Variants in RBFOX1 observed in about 807,000 individuals in gnomAD.
RBFOX1 encodes the protein RNA binding protein fox-1 homolog 1.
Under a neutral mutation model 57.7 loss-of-function variants are expected in RBFOX1, and 8 were observed. The ratio of observed to expected loss-of-function variants is 0.14; its 90% confidence interval spans 0.08 to 0.25. The LOEUF is 0.25. RBFOX1 is among the 10% of genes least tolerant of loss of function. RBFOX1 has a pLI of 1.00. For missense variants in RBFOX1, 611 were observed against 548.5 expected, an observed-to-expected ratio of 1.11 and a Z score of -1.14; for synonymous variants, 326 against 222.4, an observed-to-expected ratio of 1.47 and a Z score of -4.15.
intron 3 of RBFOX1, among the ~76,000 whole-genome samples, chr16:6,846,184 T>A (rs1374529968): frequency 2.0e-5 from 3 of 152,208 alleles, no homozygotes; most frequent in African/African-American, 7.2e-5. Context: ...CCAATAAATA[T>A]TTGTTGAAGA....
chr16:6,464,433 T>TG (rs5815314), intron 2 of RBFOX1, among the ~76,000 whole-genome samples: 86,929 of 151,970 alleles, frequency 0.57, 25,293 homozygotes, highest in Middle Eastern at 0.68. Context: ...AGTATGCTTG[T>TG]GAAAGTCTTG....
Position 5,848,482 on chromosome 16 carries a change from C to G in RBFOX1, c.319-18821C>G, listed in dbSNP as rs115854214. 3.2e-3 allele frequency among the ~76,000 whole-genome samples: 493 copies of G among 152,190 alleles called. 1 individual carries two copies. The highest frequency in any genetic ancestry group is 0.011 in the African/African-American group (472 of 41,520). ...TTCCAGGTCAGGAACTGCTAAAACT[C>G]CATGGACTCCAGGTTAAGAGACTGG... On this transcript the variant is annotated intron_variant, in intron 3 of 19. Coordinates refer to the RBFOX1 transcript ENST00000641259.
chr16:5,705,695 C>G (rs2051219212), intron 3 of RBFOX1, among the ~76,000 whole-genome samples: 1 of 152,156 alleles, frequency 6.6e-6, no homozygotes, highest in Non-Finnish European at 1.5e-5. Flanking sequence ...CTCATAGGAC[C>G]TCTCATCATC....
At chr16:6,739,462 C>T (rs564461173) in intron 3 of RBFOX1, among the ~76,000 whole-genome samples, 2 of 151,854 alleles carry the variant, frequency 1.3e-5, no homozygotes, top group Admixed American at 1.3e-4. Flanking sequence ...AAATTGAATT[C>T]ATAATTTAAC....
chr16:7,204,049 C>T (rs1220766121), intron 4 of RBFOX1, among the ~76,000 whole-genome samples: 1 of 152,250 alleles, frequency 6.6e-6, no homozygotes, highest in Non-Finnish European at 1.5e-5. Flanking sequence ...AGCCAGGGTG[C>T]CCCTGACTTC....
At chr16:5,814,455 C>T (rs1442172934) in intron 3 of RBFOX1, among the ~76,000 whole-genome samples, 1 of 152,188 alleles carries the variant, frequency 6.6e-6, no homozygotes, top group African/African-American at 2.4e-5. Flanking sequence ...TAAATATAGG[C>T]TCTGTGCTGA....
At chr16:5,773,377 T>A (rs1442712892) in intron 3 of RBFOX1, among the ~76,000 whole-genome samples, 1 of 152,160 alleles carries the variant, frequency 6.6e-6, no homozygotes, top group Non-Finnish European at 1.5e-5. Flanking sequence ...CACACACACA[T>A]CCATACACAC....
At chr16:7,439,800 A>G (rs916821022) in intron 4 of RBFOX1, among the ~76,000 whole-genome samples, 4 of 152,106 alleles carry the variant, frequency 2.6e-5, no homozygotes, top group African/African-American at 9.7e-5. Flanking sequence ...TGCTTGTCAA[A>G]TTGGGATGGG....
intron 5 of RBFOX1, among the ~76,000 whole-genome samples, chr16:7,546,381 T>TAAA (rs2084550303): frequency 6.8e-6 from 1 of 148,006 alleles, no homozygotes; most frequent in African/African-American, 2.6e-5. Context: ...AATAAAATAA[T>TAAA]AAAATAAAAT....
At chr16:5,776,397 A>C (rs546440008) in intron 3 of RBFOX1, among the ~76,000 whole-genome samples, 1 of 152,318 alleles carries the variant, frequency 6.6e-6, no homozygotes, top group African/African-American at 2.4e-5. Context: ...GACCACGGCC[A>C]CCATTTTAAC....
chr16:7,601,218 T>G (rs1256467718), intron 9 of RBFOX1, among the ~76,000 whole-genome samples: 2 of 152,206 alleles, frequency 1.3e-5, no homozygotes, highest in African/African-American at 2.4e-5. Flanking sequence ...CACTGGCTCT[T>G]GAATTGTAGG....
At chr16:6,425,303 A>G (rs901151248) in intron 2 of RBFOX1, among the ~76,000 whole-genome samples, 3 of 152,182 alleles carry the variant, frequency 2.0e-5, no homozygotes, top group Non-Finnish European at 4.4e-5. Context: ...TTAAGCATTG[A>G]TAGCTAAGCT....
At chr16:5,523,603 T>G (rs1160005914) in intron 2 of RBFOX1, among the ~76,000 whole-genome samples, 2 of 150,252 alleles carry the variant, frequency 1.3e-5, no homozygotes, top group Non-Finnish European at 2.9e-5. Context: ...GATGACAAAG[T>G]GAGACCCTGT....
At chr16:7,094,574 A>G (rs1233229472) in intron 4 of RBFOX1, among the ~76,000 whole-genome samples, 3 of 150,510 alleles carry the variant, frequency 2.0e-5, no homozygotes, top group African/African-American at 4.9e-5. Flanking sequence ...AATCCTGTGT[A>G]TTGGGAAACA....
At chr16:7,368,648 C>T (rs1011199854) in intron 4 of RBFOX1, among the ~76,000 whole-genome samples, 20 of 151,750 alleles carry the variant, frequency 1.3e-4, no homozygotes, top group Non-Finnish European at 2.2e-4. Context: ...GGCGTGGTGG[C>T]GGGCACCTGT....
chr16:5,396,821 G>C lies in RBFOX1; in HGVS notation c.220-70395G>C, dbSNP rs550226391. On this transcript the variant is annotated intron_variant, in intron 1 of 2. Transcript: ENST00000585867. ...TGAAGCCAGCAAACTCCAGCAGAGA[G>C]AGTAGATTGATTTCTTGAACTTCGT... is the stretch of plus-strand genomic sequence containing the variant. Among the ~76,000 whole-genome samples the C allele has an allele frequency of 2.0e-5, 3 of 152,350 alleles. No individual in the cohort carries two copies. The East Asian group carries it at 5.8e-4, about 29-fold the overall frequency.
chr16:5,353,865 C>T (rs995087073), intron 1 of RBFOX1, among the ~76,000 whole-genome samples: 1 of 152,084 alleles, frequency 6.6e-6, no homozygotes, highest in African/African-American at 2.4e-5. Context: ...ATCAACAAGA[C>T]ATGGCCTTTG....
Position 6,817,847 on chromosome 16 carries a change from A to T in RBFOX1, c.-16+163197A>T, listed in dbSNP as rs1033418291. Among the ~76,000 whole-genome samples, 50 of 152,246 alleles carry T rather than the reference A, an allele frequency of 3.3e-4. 1 individual carries two copies. Among genetic ancestry groups the T allele is most frequent in the African/African-American group, 1.1e-3 (47 of 41,534 alleles). On this transcript the variant is annotated intron_variant, in intron 3 of 15. Transcript: ENST00000550418. ...ATTCATGAAGTCCCCTGTGAATGTG[A>T]CTCATATCAGACAGGAGATCCCAAG...
chr16:7,587,392 C>T (rs1339995770), intron 7 of RBFOX1, 92 bp downstream of exon 7: 13 of 1,262,836 alleles, frequency 1.0e-5, no homozygotes, highest in South Asian at 8.8e-5. Flanking sequence ...TTAATCAGCT[C>T]ATTGTGAAAA....
Sources: allele counts gnomAD v4.1 joint callset (sites outside exome capture counted in the v4.1 genomes callset), GRCh38; gene constraint gnomAD v4.1.1; transcripts MANE v1.5; gene names NCBI Gene and HGNC (gene_info 2026-07-23, HGNC 2026-07-21).